The following PHYHIPL variants were observed in gnomAD, a reference collection of about 807,000 sequenced individuals.
The protein encoded by PHYHIPL is phytanoyl-CoA 2-hydroxylase interacting protein like.
A neutral mutation model predicts 33.4 loss-of-function variants in PHYHIPL; 9 were observed. The observed-to-expected ratio is 0.27, with a 90% confidence interval of 0.16 to 0.47. The LOEUF (loss-of-function observed/expected upper bound fraction) is 0.47, where lower values mean the gene tolerates loss of function less well. PHYHIPL is among the 20% of genes least tolerant of loss of function. The probability of loss-of-function intolerance (pLI) is 0.99; values close to 1 mark genes in which losing one functional copy is unlikely to be tolerated. For missense variants in PHYHIPL, 365 were observed against 460.7 expected (o/e 0.79, Z 1.90); for synonymous variants, 153 against 154.1 (o/e 0.99, Z 0.05).
intron 4 of PHYHIPL, among the ~76,000 whole-genome samples, chr10:59,240,276 A>T (rs1840352789): frequency 6.6e-6 from 1 of 152,082 alleles, no homozygotes; most frequent in African/African-American, 2.4e-5. Context: ...GGCAATGACC[A>T]TATAGACTTA....
At chr10:59,209,452 C>T (rs1412430760) in intron 1 of PHYHIPL, among the ~76,000 whole-genome samples, 4 of 152,138 alleles carry the variant, frequency 2.6e-5, no homozygotes, top group Non-Finnish European at 4.4e-5. Context: ...AGGGAGCAAC[C>T]GGTACCAGCC....
At chr10:59,186,500 A>T (rs945559767) in intron 1 of PHYHIPL, among the ~76,000 whole-genome samples, 2 of 152,148 alleles carry the variant, frequency 1.3e-5, no homozygotes, top group African/African-American at 4.8e-5. Flanking sequence ...CAATTCTGTG[A>T]AGAAAGTCAT....
intron 4 of PHYHIPL, among the ~76,000 whole-genome samples, chr10:59,242,924 T>G (rs1008319190): frequency 1.3e-5 from 2 of 152,044 alleles, no homozygotes; most frequent in Non-Finnish European, 2.9e-5. Context: ...CTATAGCAGA[T>G]CTAATATTCA....
At chr10:59,191,250 T>C (rs901325766) in intron 1 of PHYHIPL, among the ~76,000 whole-genome samples, 1 of 152,006 alleles carries the variant, frequency 6.6e-6, no homozygotes, top group Admixed American at 6.6e-5. Context: ...TTACATAATC[T>C]CAGCATTTGA....
chr10:59,177,742 G>A (rs1022555986), intron 1 of PHYHIPL: 8 of 1,188,388 alleles, frequency 6.7e-6, no homozygotes, highest in Non-Finnish European at 7.3e-6. Flanking sequence ...TGCTGTGTGC[G>A]GTGTGGTTAG....
intron 4 of PHYHIPL, among the ~76,000 whole-genome samples, chr10:59,240,860 GT>G (rs1840376060): frequency 6.6e-6 from 1 of 151,922 alleles, no homozygotes; most frequent in Non-Finnish European, 1.5e-5. Context: ...GTAATCTAAA[GT>G]TTGCTTCATC....
chr10:59,174,957 C>T (rs1205923265), upstream of PHYHIPL, among the ~76,000 whole-genome samples: 2 of 152,244 alleles, frequency 1.3e-5, no homozygotes, highest in African/African-American at 4.8e-5. Flanking sequence ...GAATTAAATG[C>T]ATGTCGTATT....
intron 1 of PHYHIPL, among the ~76,000 whole-genome samples, chr10:59,224,317 T>G (rs1157982377): frequency 6.6e-6 from 1 of 152,060 alleles, no homozygotes; most frequent in Non-Finnish European, 1.5e-5. Flanking sequence ...CTGATTTTGA[T>G]GCCCATGGAG....
chr10:59,234,466 A>C lies in PHYHIPL; in HGVS notation c.269A>C (p.Lys90Thr). Residue 90 changes from lysine (K) to threonine (T), a missense_variant, in exon 2 of 5, where the codon AAA becomes ACA. By Grantham distance (78) the Lys-to-Thr change is moderately conservative. Transcript: ENST00000373880. ...CACTATTTTATTGACCTCAACAAGA[A>C]AGAGAACAAGAACTCCAATAAATTT... ...ITHYFIDLNK[K>T]ENKNSNKFKH... 2 of 1,566,162 alleles carry C rather than the reference A, an allele frequency of 1.3e-6. No homozygotes were observed. Among genetic ancestry groups the C allele is most frequent in the Non-Finnish European group, 1.7e-6 (2 of 1,164,582 alleles).
At chr10:59,223,959 C>G (rs1011227123) in intron 1 of PHYHIPL, among the ~76,000 whole-genome samples, 1 of 152,126 alleles carries the variant, frequency 6.6e-6, no homozygotes, top group Admixed American at 6.5e-5. Context: ...TGCACCCAGC[C>G]CAATTGCCCT....
intron 1 of PHYHIPL, among the ~76,000 whole-genome samples, chr10:59,190,634 A>AAT (rs1170027030): frequency 6.6e-6 from 1 of 151,932 alleles, no homozygotes; most frequent in African/African-American, 2.4e-5. Context: ...TAAGCTTGGT[A>AAT]ATATTGTGAC....
rs750786977 is a variant in PHYHIPL at position 59,238,972 on chromosome 10, G to T, written c.596+267G>T. Among the ~76,000 whole-genome samples, 215 of 151,942 alleles carry T rather than the reference G, an allele frequency of 1.4e-3. 2 individuals are homozygous for T. The highest frequency in any genetic ancestry group is 1.9e-3 in the Non-Finnish European group (129 of 67,912). ...ATCTTAAACCTGTGGTATTTAGATC[G>T]ATGAGCATTTCAGGTACACACTCGT... On this transcript the variant is annotated intron_variant, in intron 4 of 4. Transcript: ENST00000373880.
intron 1 of PHYHIPL, among the ~76,000 whole-genome samples, chr10:59,211,354 G>GA (rs1839434066): frequency 6.6e-6 from 1 of 152,126 alleles, no homozygotes; most frequent in African/African-American, 2.4e-5. Flanking sequence ...TTCAGCCTGA[G>GA]TGACAGAACA....
chr10:59,236,412 C>T, intron 2 of PHYHIPL, 71 bp from the exon 3 acceptor site: 2 of 953,654 alleles, frequency 2.1e-6, no homozygotes, highest in Non-Finnish European at 1.4e-6. Context: ...CCCTTTTCTT[C>T]TTTCTTCACT....
At chr10:59,181,736 C>A (rs1042470280) in intron 1 of PHYHIPL, among the ~76,000 whole-genome samples, 1 of 151,944 alleles carries the variant, frequency 6.6e-6, no homozygotes, top group Non-Finnish European at 1.5e-5. Flanking sequence ...CTAAAAGAAA[C>A]AAAAAATTTG....
intron 1 of PHYHIPL, among the ~76,000 whole-genome samples, chr10:59,195,585 C>G (rs1838889567): frequency 6.6e-6 from 1 of 152,174 alleles, no homozygotes; most frequent in South Asian, 2.1e-4. Flanking sequence ...GGGAGGCCAT[C>G]TCTCCAGTGA....
chr10:59,209,476 G>A (rs1483854559), intron 1 of PHYHIPL, among the ~76,000 whole-genome samples: 2 of 152,164 alleles, frequency 1.3e-5, no homozygotes, highest in Admixed American at 6.5e-5. Context: ...GCAAAAACAT[G>A]CCAAATTGTA....
At chr10:59,221,769 T>G in intron 1 of PHYHIPL, 1 of 804,456 alleles carries the variant, frequency 1.2e-6, no homozygotes, top group Non-Finnish European at 1.5e-6. Flanking sequence ...CCCTGAGGAT[T>G]GTGAATTAAC....
chr10:59,190,034 G>A (rs1049678593), intron 1 of PHYHIPL, among the ~76,000 whole-genome samples: 2 of 151,936 alleles, frequency 1.3e-5, no homozygotes, highest in African/African-American at 2.4e-5. Flanking sequence ...TGTGGAGAAC[G>A]TTTGTTTTAT....
Sources: gnomAD v4.1 joint callset for allele counts (sites outside exome capture counted in the v4.1 genomes callset) on GRCh38, gnomAD v4.1.1 for gene constraint, MANE v1.5 for transcripts, NCBI Gene and HGNC (gene_info 2026-07-23, HGNC 2026-07-21) for gene names.